The following PLXDC2 variants were observed in gnomAD, a reference collection of about 807,000 sequenced individuals.
The protein encoded by PLXDC2 is plexin domain containing 2.
In PLXDC2, 40 loss-of-function variants were observed where a neutral mutation model predicts 68.9. That is an observed-to-expected ratio of 0.58 (90% CI 0.45 to 0.76). The LOEUF (loss-of-function observed/expected upper bound fraction) is 0.76, where lower values mean the gene tolerates loss of function less well. PLXDC2 is among the 30% of genes least tolerant of loss of function. The pLI is 0.00. For synonymous variants in PLXDC2, 243 were observed against 234.2 expected, an observed-to-expected ratio of 1.04 and a Z score of -0.34; for missense variants, 644 against 661.9, an observed-to-expected ratio of 0.97 and a Z score of 0.30.
chr10:20,102,562 T>C (rs1833437495), intron 4 of PLXDC2, among the ~76,000 whole-genome samples: 1 of 152,176 alleles, frequency 6.6e-6, no homozygotes. Context: ...GGTAATAATA[T>C]TTGCTATAAA....
chr10:20,164,639 C>A, intron 7 of PLXDC2, 72 bp downstream of exon 7: 3 of 1,133,716 alleles, frequency 2.6e-6, no homozygotes, highest in Non-Finnish European at 4.0e-6. Flanking sequence ...TGGTCTATGG[C>A]AGCTGTACCT....
At chr10:20,230,681 GAGACCTTGTCTCAAAAAAA>G (rs1835349404) in intron 12 of PLXDC2, among the ~76,000 whole-genome samples, 1 of 34,556 alleles carries the variant, frequency 2.9e-5, no homozygotes, top group South Asian at 1.2e-3. Flanking sequence ...GCTACAGAGT[GAGACCTTGTCTCAAAAAAA>G]AAAAAAAAAA....
chr10:20,279,538 AG>A (rs763976872), intron 13 of PLXDC2, among the ~76,000 whole-genome samples, 164 bp from the exon 14 acceptor site: 1 of 152,080 alleles, frequency 6.6e-6, no homozygotes, highest in Non-Finnish European at 1.5e-5. Context: ...CAGGGCTTGG[AG>A]GGTTGATAAG....
chr10:20,040,049 TGG>T lies in PLXDC2; in HGVS notation c.325-6817_325-6816del, dbSNP rs956177028. Among the ~76,000 whole-genome samples the T allele has an allele frequency of 2.6e-5, 4 of 152,152 alleles. 1 individual carries two copies. The highest frequency in any genetic ancestry group is 1.3e-4 in the Admixed American group (2 of 15,264). ...TTAACAGCTGAGTTCTCGGCCATGG[TGG>T]GGTGGGAGGTCAGTCATGCCTCAGT... On this transcript the variant is annotated intron_variant, in intron 2 of 13. Transcript: ENST00000377252.
At chr10:19,937,514 T>A in intron 1 of PLXDC2, among the ~76,000 whole-genome samples, 1 of 145,230 alleles carries the variant, frequency 6.9e-6, no homozygotes, top group South Asian at 2.2e-4. Context: ...AACTTAATGT[T>A]ACTGGAATAC....
At chr10:20,233,762 C>T (rs1033258954) in intron 12 of PLXDC2, among the ~76,000 whole-genome samples, 3 of 152,000 alleles carry the variant, frequency 2.0e-5, no homozygotes, top group Admixed American at 6.5e-5. Flanking sequence ...CTATTAAAGC[C>T]ATCCAGTGTC....
intron 12 of PLXDC2, among the ~76,000 whole-genome samples, chr10:20,244,505 A>G (rs1432491213): frequency 6.6e-6 from 1 of 152,348 alleles, no homozygotes; most frequent in South Asian, 2.1e-4. Context: ...TTTGAGGGTC[A>G]TTAAGCATCC....
intron 1 of PLXDC2, 50 bp from the exon 2 acceptor site, chr10:20,001,725 G>A: frequency 6.5e-7 from 1 of 1,548,434 alleles, no homozygotes; most frequent in South Asian, 1.1e-5. Context: ...GCACTTGCAT[G>A]TATGGTACAC....
intron 2 of PLXDC2, among the ~76,000 whole-genome samples, chr10:20,011,538 G>A (rs1269134311): frequency 1.3e-5 from 2 of 152,172 alleles, no homozygotes; most frequent in African/African-American, 4.8e-5. Flanking sequence ...TGTCCCTGTG[G>A]GGGCCATAAC....
intron 4 of PLXDC2, among the ~76,000 whole-genome samples, chr10:20,126,973 A>G (rs1225969294): frequency 2.0e-5 from 3 of 150,122 alleles, no homozygotes; most frequent in African/African-American, 7.3e-5. Flanking sequence ...ATATATATAA[A>G]ACACTAGGTT....
chr10:20,262,652 A>G (rs1478675086), intron 13 of PLXDC2, among the ~76,000 whole-genome samples: 1 of 151,742 alleles, frequency 6.6e-6, no homozygotes, highest in Non-Finnish European at 1.5e-5. Flanking sequence ...CGAATCCCGT[A>G]CCTCCCCCCG....
At chr10:20,249,620 G>A (rs1480498231) in intron 13 of PLXDC2, among the ~76,000 whole-genome samples, 1 of 151,926 alleles carries the variant, frequency 6.6e-6, no homozygotes, top group Non-Finnish European at 1.5e-5. Context: ...GACTACATTG[G>A]GCTCACCTGG....
intron 1 of PLXDC2, among the ~76,000 whole-genome samples, chr10:19,896,851 A>AT (rs1362436481): frequency 2.0e-5 from 3 of 152,188 alleles, no homozygotes; most frequent in Non-Finnish European, 2.9e-5. Flanking sequence ...TTTCCTGAGC[A>AT]TTTTGTTACA....
intron 1 of PLXDC2, among the ~76,000 whole-genome samples, chr10:19,836,210 G>A (rs557236173): frequency 1.3e-5 from 2 of 151,990 alleles, no homozygotes; most frequent in Admixed American, 1.3e-4. Context: ...TGGTTGGGAA[G>A]TAAATGACAG....
intron 1 of PLXDC2, among the ~76,000 whole-genome samples, chr10:19,881,183 C>T (rs1451101927): frequency 6.6e-6 from 1 of 151,754 alleles, no homozygotes; most frequent in Non-Finnish European, 1.5e-5. Context: ...TGGCATGATC[C>T]CAACCTACTG....
chr10:20,034,896 G>T (rs1218738859), intron 2 of PLXDC2, among the ~76,000 whole-genome samples: 2 of 152,146 alleles, frequency 1.3e-5, no homozygotes, highest in Non-Finnish European at 2.9e-5. Flanking sequence ...GTGTGAAGTA[G>T]ATTATACCAT....
intron 1 of PLXDC2, among the ~76,000 whole-genome samples, chr10:19,987,263 A>C (rs1340238890): frequency 6.6e-6 from 1 of 152,142 alleles, no homozygotes; most frequent in Non-Finnish European, 1.5e-5. Context: ...CTCTGCTTTA[A>C]CCAACTACCA....
At chr10:19,960,851 G>T (rs555380775) in intron 1 of PLXDC2, among the ~76,000 whole-genome samples, 15 of 152,240 alleles carry the variant, frequency 9.9e-5, no homozygotes, top group South Asian at 2.1e-4. Flanking sequence ...TAATCAATTG[G>T]CATACAAATC....
chr10:19,986,286 G>C (rs1242605739), intron 1 of PLXDC2, among the ~76,000 whole-genome samples: 1 of 152,076 alleles, frequency 6.6e-6, no homozygotes, highest in Non-Finnish European at 1.5e-5. Context: ...GTTAGGATTA[G>C]CATTCTCAGA....
Sources: gnomAD v4.1 joint callset for allele counts (sites outside exome capture counted in the v4.1 genomes callset) on GRCh38, gnomAD v4.1.1 for gene constraint, MANE v1.5 for transcripts, NCBI Gene and HGNC (gene_info 2026-07-23, HGNC 2026-07-21) for gene names.